GRIN1: variants seen among roughly 807,000 people sequenced by gnomAD.
The protein encoded by GRIN1 is glutamate receptor ionotropic, NMDA 1.
Under a neutral mutation model 103.0 loss-of-function variants are expected in GRIN1, and 38 were observed. The observed-to-expected ratio is 0.37, with a 90% CI of 0.28 to 0.48. The LOEUF (loss-of-function observed/expected upper bound fraction) is 0.48, where lower values mean the gene tolerates loss of function less well. GRIN1 is among the 20% of genes least tolerant of loss of function. The pLI is 0.98. For synonymous variants in GRIN1, 544 were observed against 532.7 expected, an observed-to-expected ratio of 1.02 and a Z score of -0.29; for missense variants, 577 against 1,288.9, an observed-to-expected ratio of 0.45 and a Z score of 8.46.
At chr9:137,143,977 C>G (rs990467563) in intron 2 of GRIN1, among the ~76,000 whole-genome samples, 3 of 152,256 alleles carry the variant, frequency 2.0e-5, no homozygotes, top group Admixed American at 2.0e-4. Context: ...GGCAAGCAAG[C>G]ACCACGCTCT....
Position 137,168,018 on chromosome 9 carries a change from C to CG in GRIN1, c.*493dup. ...GGGCAGCCCCTGCTGGACCAAGGTG[C>CG]GGACCGGAGCGGCTGAGGACGGGGC... On this transcript the variant is annotated 3_prime_UTR_variant, in exon 20 of 20. Coordinates refer to ENST00000371561, the MANE Select transcript of GRIN1 (RefSeq NM_007327.4). The CG allele has an allele frequency of 1.5e-6, 1 of 674,544 alleles. No individual in the cohort carries two copies. The highest frequency in any genetic ancestry group is 2.6e-6 in the Non-Finnish European group (1 of 379,708). 41.8% of individuals were successfully genotyped at this position (674,544 alleles called of 1,614,324 possible).
intron 8 of GRIN1, 162 bp downstream of exon 8, chr9:137,158,866 A>G: frequency 3.0e-6 from 2 of 657,790 alleles, no homozygotes; most frequent in Non-Finnish European, 5.5e-6. Context: ...CTGGCACAGC[A>G]CAGGAAGCAG....
chr9:137,163,163 C>G lies in GRIN1; in HGVS notation c.2172-6C>G. On this transcript the variant is annotated splice_polypyrimidine_tract_variant and splice_region_variant and intron_variant, in intron 15 of 19. Transcript: ENST00000371561. ...AAGGCCCCCGTGACTCCGCCTCTGCCGGCAGCAAGCTGCATGCCTTCATCT... is the reference window on the plus strand; with the variant it reads ...AAGGCCCCCGTGACTCCGCCTCTGCGGGCAGCAAGCTGCATGCCTTCATCT... 2.5e-6 allele frequency: 4 copies of G among 1,612,738 alleles called. 1 individual carries two copies. Among genetic ancestry groups the G allele is most frequent in the African/African-American group, 2.7e-5 (2 of 75,048 alleles).
At chr9:137,164,187 C>T (rs1833732600) in intron 18 of GRIN1, 2 of 501,882 alleles carry the variant, frequency 4.0e-6, no homozygotes, top group Non-Finnish European at 3.7e-6. Flanking sequence ...CCCGCCGGTA[C>T]CCATTCCATA....
At chr9:137,157,174 T>G in intron 6 of GRIN1, 137 bp downstream of exon 6, 1 of 743,204 alleles carries the variant, frequency 1.3e-6, no homozygotes, top group Non-Finnish European at 1.9e-6. Flanking sequence ...CTCTCAGGAC[T>G]AGGCGGGGCC....
At position 137,146,931 on chromosome 9, in the gene GRIN1, G is replaced by A. The variant is rs1259865499; in HGVS notation, c.570+1029G>A. 6.6e-6 allele frequency among the ~76,000 whole-genome samples: 1 copy of A among 151,946 alleles called. No individual in the cohort carries two copies. The highest frequency in any genetic ancestry group is 1.5e-5 in the Non-Finnish European group (1 of 67,922). Reference sequence around the variant, plus strand: ...GGTCCTGGGAGTACTGTCGTGGGGGGTCTGCTGAGTCTTGGGGGGGAGGGG... The same window carrying A: ...GGTCCTGGGAGTACTGTCGTGGGGGATCTGCTGAGTCTTGGGGGGGAGGGG... On this transcript the variant is annotated intron_variant, in intron 3 of 19. Transcript: ENST00000371561. The surrounding 1 kb of genome is among the most constrained non-coding windows in gnomAD (Gnocchi z 6.7).
chr9:137,147,256 C>T (rs1014977338), intron 3 of GRIN1, among the ~76,000 whole-genome samples: 2 of 152,072 alleles, frequency 1.3e-5, no homozygotes, highest in African/African-American at 4.8e-5. Context: ...GCGCCACACA[C>T]ACACCTGGAC....
intron 8 of GRIN1, 148 bp from the exon 9 acceptor site, chr9:137,160,908 G>T: frequency 1.0e-6 from 1 of 962,654 alleles, no homozygotes; most frequent in Non-Finnish European, 1.6e-6. Flanking sequence ...TCCAGAGAGG[G>T]GCAGTGGCCG....
chr9:137,157,069 C>T, intron 6 of GRIN1, 32 bp downstream of exon 6: 2 of 1,299,814 alleles, frequency 1.5e-6, no homozygotes, highest in Non-Finnish European at 1.0e-6. Context: ...CTGGGCGGGG[C>T]TGCTCTTGGG....
At chr9:137,151,016 A>AAAAGACCCGCCCAGGG (rs1832851839) in intron 4 of GRIN1, among the ~76,000 whole-genome samples, 2 of 141,494 alleles carry the variant, frequency 1.4e-5, no homozygotes, top group Non-Finnish European at 3.1e-5. Context: ...CTGCCCAGAT[A>AAAAGACCCGCCCAGGG]AAAGACCCGC....
In GRIN1 at chr9:137,162,285, C is replaced by A. The variant is rs1372273944; in HGVS notation, c.1746C>A (p.Arg582=). 1 of 1,549,200 alleles carries A rather than the reference C, an allele frequency of 6.5e-7. No homozygotes were observed. The highest frequency in any genetic ancestry group is 1.4e-5 in the African/African-American group (1 of 73,872). Residue 582 remains arginine (R), a synonymous_variant, in exon 12 of 20, where the codon CGC becomes CGA. Coordinates refer to ENST00000371561, the MANE Select transcript of GRIN1 (RefSeq NM_007327.4). ...VVAVMLYLLD[R]FSPFGRFKVN... ...CCGTGATGCTGTACCTGCTGGACCG[C>A]TTCAGGTGAGCGCGACCCGGGGCTC...
intron 19 of GRIN1, 126 bp from the exon 20 acceptor site, chr9:137,167,285 G>C (rs921994377): frequency 5.3e-6 from 4 of 752,094 alleles, no homozygotes; most frequent in African/African-American, 1.7e-5. Context: ...GGGTCAGTCC[G>C]GCTGCGGAGA....
intron 2 of GRIN1, among the ~76,000 whole-genome samples, chr9:137,144,457 A>G (rs879644948): frequency 1.3e-5 from 2 of 151,732 alleles, no homozygotes; most frequent in Admixed American, 6.6e-5. Flanking sequence ...GATCGAGACC[A>G]TCCTGGCTAA....
At chr9:137,155,945 G>A (rs1005419752) in intron 4 of GRIN1, among the ~76,000 whole-genome samples, 2 of 152,200 alleles carry the variant, frequency 1.3e-5, no homozygotes, top group Non-Finnish European at 2.9e-5. Flanking sequence ...ATCTCTGGCC[G>A]TCCCCAGGAC....
chr9:137,139,362 G>A lies in GRIN1; in HGVS notation c.-125G>A, dbSNP rs1369946332. ...GCCGACGTCCCGGGACCGCCGCTCCGGGGGAGACGTGGCGTCCGCAGCCCG... is the reference window on the plus strand; with the variant it reads ...GCCGACGTCCCGGGACCGCCGCTCCAGGGGAGACGTGGCGTCCGCAGCCCG... On this transcript the variant is annotated 5_prime_UTR_variant, in exon 1 of 20. Coordinates refer to ENST00000371561, the MANE Select transcript of GRIN1 (RefSeq NM_007327.4). This position sits in a 1 kb window ranked among gnomAD's most constrained non-coding sequence, Gnocchi z 7.7. 1 of 514,970 alleles carries A rather than the reference G, an allele frequency of 1.9e-6. No homozygotes were observed. Among genetic ancestry groups the A allele is most frequent in the Non-Finnish European group, 2.8e-6 (1 of 356,128 alleles). The allele number at this position is 514,970 out of a possible 1,614,324, so 31.9% of individuals were successfully genotyped here. A position where few individuals can be genotyped will look rare whatever the true frequency, so the allele number is the denominator to read the frequency against.
chr9:137,163,363 C>T (rs1232064967), intron 16 of GRIN1, 33 bp downstream of exon 16: 3 of 1,609,810 alleles, frequency 1.9e-6, no homozygotes, highest in African/African-American at 1.3e-5. Context: ...CCCTCCTCCG[C>T]CCCTCTCCGC....
chr9:137,148,783 C>G (rs558744325), intron 3 of GRIN1, among the ~76,000 whole-genome samples: 3 of 152,214 alleles, frequency 2.0e-5, no homozygotes, highest in Admixed American at 2.0e-4. Flanking sequence ...GAGCACAGAA[C>G]GAGCACAGGT....
intron 4 of GRIN1, among the ~76,000 whole-genome samples, chr9:137,153,437 C>T (rs1351827612): frequency 2.0e-5 from 3 of 151,444 alleles, no homozygotes; most frequent in Non-Finnish European, 4.4e-5. Context: ...ATGTACGCAC[C>T]ATAGTCACAC....
At chr9:137,154,927 G>A (rs972678548) in intron 4 of GRIN1, among the ~76,000 whole-genome samples, 2 of 152,218 alleles carry the variant, frequency 1.3e-5, no homozygotes, top group Non-Finnish European at 2.9e-5. Context: ...GGCAGGCACA[G>A]GCCTTCTTGA....
Sources: allele counts gnomAD v4.1 joint callset (sites outside exome capture counted in the v4.1 genomes callset), GRCh38; gene constraint gnomAD v4.1.1; non-coding constraint Gnocchi (gnomAD v3.1); transcripts MANE v1.5; gene names NCBI Gene and HGNC (gene_info 2026-07-23, HGNC 2026-07-21).